Variants in CAST observed in about 807,000 individuals in gnomAD.
CAST encodes calpastatin.
Under a neutral mutation model 119.6 loss-of-function variants are expected in CAST, and 76 were observed. The observed-to-expected ratio is 0.64, with a 90% CI of 0.53 to 0.77. The LOEUF is 0.77. Ranked by LOEUF, CAST falls within the 30% of genes least tolerant of loss-of-function variation. The pLI, the probability that CAST is intolerant of heterozygous loss-of-function variation, is 0.00. For synonymous variants in CAST, 319 were observed against 331.6 expected (o/e 0.96, Z 0.41); for missense variants, 953 against 946.5 (o/e 1.01, Z -0.09).
At chr5:96,107,262 CATT>C in the CAST span, among the ~76,000 whole-genome samples, 60 of 151,986 alleles carry the variant, frequency 3.9e-4, no homozygotes, top group Admixed American at 8.5e-4. Flanking sequence ...TTAATCCTGT[CATT>C]ATGATGTTAG....
At chr5:96,434,773 A>G in the CAST span, among the ~76,000 whole-genome samples, 1 of 152,180 alleles carries the variant, frequency 6.6e-6, no homozygotes, top group Non-Finnish European at 1.5e-5. Flanking sequence ...ATGAGACAAG[A>G]CTTGGTGGAG....
chr5:96,363,949 G>A, the CAST span, among the ~76,000 whole-genome samples: 3 of 152,102 alleles, frequency 2.0e-5, no homozygotes, highest in African/African-American at 7.2e-5. Flanking sequence ...TGCCCATTCA[G>A]TATGATATTG....
At chr5:96,340,215 T>C in the CAST span, among the ~76,000 whole-genome samples, 1 of 152,222 alleles carries the variant, frequency 6.6e-6, no homozygotes, top group Admixed American at 6.5e-5. Context: ...CGCTGTTGTC[T>C]TCCCAGGATC....
the CAST span, among the ~76,000 whole-genome samples, chr5:96,447,716 G>C: frequency 2.6e-5 from 4 of 152,098 alleles, no homozygotes; most frequent in African/African-American, 9.7e-5. Flanking sequence ...GGAAAGTAAA[G>C]TATATGTTAC....
chr5:96,129,511 GGACA>G, the CAST span, among the ~76,000 whole-genome samples: 1 of 152,028 alleles, frequency 6.6e-6, no homozygotes, highest in Non-Finnish European at 1.5e-5. Context: ...AATTACAATA[GGACA>G]GACACTTCTC....
At chr5:96,763,251 A>G (rs774373776) in intron 25 of CAST, 12 of 780,702 alleles carry the variant, frequency 1.5e-5, no homozygotes, top group Admixed American at 3.4e-5. Flanking sequence ...AGAGGCACAA[A>G]TGACAAAGCC....
At chr5:96,703,551 C>T (rs1196463403) in intron 3 of CAST, among the ~76,000 whole-genome samples, 1 of 152,180 alleles carries the variant, frequency 6.6e-6, no homozygotes, top group African/African-American at 2.4e-5. Flanking sequence ...AGAGATTTAA[C>T]TTTCTCTTCT....
rs1267353028 is a variant in CAST at position 96,702,690 on chromosome 5, C to T, written c.210+6783C>T. The stretch of plus-strand genomic sequence containing the variant: ...CCAGATGCCAGGCGCATGACGAGTC[C>T]ACGGAGCGGGACCTCCCTCCCCACG... On this transcript the variant is annotated intron_variant, in intron 3 of 31. Transcript: ENST00000675179. 5 of 778,438 alleles carry T rather than the reference C, an allele frequency of 6.4e-6. No individual in the cohort carries two copies. In the East Asian group the frequency reaches 5.1e-4, roughly 79 times the overall value. 48.2% of individuals were successfully genotyped at this position (778,438 alleles called of 1,614,324 possible).
intron 1 of CAST, among the ~76,000 whole-genome samples, chr5:96,627,942 G>T (rs549414026): frequency 6.6e-6 from 1 of 152,212 alleles, no homozygotes; most frequent in East Asian, 1.9e-4. Context: ...ACAAAGTGAA[G>T]GCAGAATATT....
chr5:96,535,564 ATTTTTTTTTTTTT>A (rs767087154), intron 1 of CAST, among the ~76,000 whole-genome samples: 2 of 88,402 alleles, frequency 2.3e-5, no homozygotes, highest in African/African-American at 1.0e-4. Flanking sequence ...TAAATAAACA[ATTTTTTTTTTTTT>A]TTTTTTTTTT....
At chr5:96,539,331 T>C (rs1267004754) in intron 1 of CAST, among the ~76,000 whole-genome samples, 1 of 152,248 alleles carries the variant, frequency 6.6e-6, no homozygotes, top group African/African-American at 2.4e-5. Flanking sequence ...ATTAAGTGCA[T>C]AAATATTTAG....
At chr5:96,192,094 A>T in the CAST span, among the ~76,000 whole-genome samples, 2 of 152,204 alleles carry the variant, frequency 1.3e-5, no homozygotes, top group African/African-American at 4.8e-5. Flanking sequence ...ATGAGAAAAC[A>T]TATAACTAAG....
the CAST span, among the ~76,000 whole-genome samples, chr5:95,962,338 G>A: frequency 2.0e-5 from 3 of 151,864 alleles, no homozygotes; most frequent in South Asian, 6.3e-4. Flanking sequence ...CGACGGCTGC[G>A]GAAGCTGTGG....
chr5:96,115,920 T>C, the CAST span, among the ~76,000 whole-genome samples: 1 of 151,516 alleles, frequency 6.6e-6, no homozygotes, highest in Admixed American at 6.6e-5. Context: ...TGGTCATTTC[T>C]TTCTTTTTTT....
the CAST span, among the ~76,000 whole-genome samples, chr5:96,118,640 T>G: frequency 6.6e-6 from 1 of 151,818 alleles, no homozygotes; most frequent in Non-Finnish European, 1.5e-5. Flanking sequence ...CTTTTTTTTT[T>G]TTTTTTGGTC....
At chr5:96,291,843 C>CGTGTGTGTGTGTGT in the CAST span, among the ~76,000 whole-genome samples, 231 of 133,038 alleles carry the variant, frequency 1.7e-3, 1 homozygote, top group Middle Eastern at 7.9e-3. Flanking sequence ...TCCCAGTCTG[C>CGTGTGTGTGTGTGT]GTGTGTGTGT....
chr5:96,440,996 A>C, the CAST span, among the ~76,000 whole-genome samples: 1 of 152,218 alleles, frequency 6.6e-6, no homozygotes, highest in African/African-American at 2.4e-5. Context: ...GCCACTTATT[A>C]GCTGGGAACA....
At chr5:96,148,199 C>T in the CAST span, among the ~76,000 whole-genome samples, 2 of 152,314 alleles carry the variant, frequency 1.3e-5, no homozygotes, top group African/African-American at 4.8e-5. Context: ...TACCCAGTCT[C>T]AGCAGGTTTG....
At chr5:96,023,914 TA>T in the CAST span, among the ~76,000 whole-genome samples, 3 of 152,100 alleles carry the variant, frequency 2.0e-5, no homozygotes, top group Non-Finnish European at 4.4e-5. Flanking sequence ...TGTCTTTTCT[TA>T]ATAAAATCCA....
Sources: gnomAD v4.1 joint callset for allele counts (sites outside exome capture counted in the v4.1 genomes callset) on GRCh38, gnomAD v4.1.1 for gene constraint, MANE v1.5 for transcripts, NCBI Gene and HGNC (gene_info 2026-07-23, HGNC 2026-07-21) for gene names.